Variants in DIP2C observed in about 807,000 individuals in gnomAD.
DIP2C encodes DIP2 acetate--CoA ligase C (putative), also known as disco-interacting protein 2 homolog C.
DIP2C carries 33 observed loss-of-function variants against 192.4 expected under a neutral mutation model. The ratio of observed to expected loss-of-function variants is 0.17; its 90% CI spans 0.13 to 0.23. DIP2C has a LOEUF of 0.23. Among genes scored for constraint, DIP2C ranks in the 10% least tolerant of loss-of-function variants. The probability of loss-of-function intolerance (pLI) is 1.00; values close to 1 mark genes in which losing one functional copy is unlikely to be tolerated. For synonymous variants in DIP2C, 979 were observed against 864.1 expected (o/e 1.13, Z -2.33); for missense variants, 1,537 against 2,110.1 (o/e 0.73, Z 5.32).
At chr10:420,158 C>T (rs1266898268) in intron 5 of DIP2C, among the ~76,000 whole-genome samples, 7 of 152,234 alleles carry the variant, frequency 4.6e-5, no homozygotes, top group Non-Finnish European at 8.8e-5. Context: ...CTCTCTTCAC[C>T]GGACGCTGCC....
chr10:441,491 C>A (rs577577825), intron 3 of DIP2C, among the ~76,000 whole-genome samples: 1 of 152,260 alleles, frequency 6.6e-6, no homozygotes, highest in South Asian at 2.1e-4. Context: ...CCAGAATTCC[C>A]ATGTGTTGTG....
At position 422,897 on chromosome 10, in the gene DIP2C, G is replaced by C. The variant is rs1325605439; in HGVS notation, c.531C>G (p.Ser177=). 6.2e-7 allele frequency: 1 copy of C among 1,613,814 alleles called. No individual in the cohort carries two copies. Among genetic ancestry groups the C allele is most frequent in the South Asian group, 1.1e-5 (1 of 91,082 alleles). The change falls in exon 5 of 37, where the codon TCC becomes TCG. Residue 177 remains serine (S), a synonymous_variant. Transcript: ENST00000280886. The part of the protein sequence containing the change: ...AIHGSTTSTT[S]SSSTQSGGSG... ...TGCCCCCGCTCTGCGTAGAGGACGA[G>C]GAGGTGGTGGACGTGGTGGAGCCGT... is the stretch of plus-strand genomic sequence containing the variant.
At chr10:491,630 C>T (rs1317798346) in intron 1 of DIP2C, among the ~76,000 whole-genome samples, 1 of 152,170 alleles carries the variant, frequency 6.6e-6, no homozygotes, top group African/African-American at 2.4e-5. Flanking sequence ...TAGTGTGGGT[C>T]GCATTTTTCT....
At chr10:548,123 C>T (rs570974627) in intron 1 of DIP2C, among the ~76,000 whole-genome samples, 1 of 151,848 alleles carries the variant, frequency 6.6e-6, no homozygotes, top group South Asian at 2.1e-4. Flanking sequence ...GTGTGGTGGT[C>T]CCCTGTCCCC....
chr10:277,771 G>A lies in DIP2C; in HGVS notation c.4419-194C>T, dbSNP rs146787213. ...AGACTTCCTGGCGACAGCACCTGTC[G>A]GTGTTTCCTACCAGCCTTCTCTCTC... On this transcript the variant is annotated intron_variant, in intron 36 of 36. Transcript: ENST00000280886. Among the ~76,000 whole-genome samples, 7 of 152,122 alleles carry A rather than the reference G, an allele frequency of 4.6e-5. No homozygotes were observed. In the East Asian group the frequency reaches 7.7e-4, roughly 17 times the overall value.
At chr10:342,028 G>A (rs904657897) in intron 28 of DIP2C, among the ~76,000 whole-genome samples, 6 of 152,170 alleles carry the variant, frequency 3.9e-5, no homozygotes, top group African/African-American at 1.4e-4. Context: ...TATTTTCACT[G>A]GAGTTCTCAT....
chr10:405,179 A>C (rs1201223823), intron 9 of DIP2C, among the ~76,000 whole-genome samples: 1 of 152,244 alleles, frequency 6.6e-6, no homozygotes, highest in Non-Finnish European at 1.5e-5. Flanking sequence ...GACGGAGAGG[A>C]TGCGTGTCAT....
intron 17 of DIP2C, among the ~76,000 whole-genome samples, chr10:374,837 C>G (rs1208348039): frequency 6.6e-6 from 1 of 152,184 alleles, no homozygotes; most frequent in Non-Finnish European, 1.5e-5. Flanking sequence ...TAAAAAACAT[C>G]CACCTTAATA....
intron 14 of DIP2C, 49 bp from the exon 15 acceptor site, chr10:384,688 A>G: frequency 1.3e-6 from 2 of 1,587,770 alleles, no homozygotes; most frequent in Non-Finnish European, 1.7e-6. Context: ...GGGCACGCAG[A>G]GGAGCAGCTC....
chr10:355,085 G>A (rs114663493), intron 24 of DIP2C, among the ~76,000 whole-genome samples: 4,145 of 152,186 alleles, frequency 0.027, 172 homozygotes, highest in African/African-American at 0.095. Context: ...AGCAACTCCA[G>A]TCCTCAAGAT....
intron 1 of DIP2C, among the ~76,000 whole-genome samples, chr10:544,376 G>C (rs749237983): frequency 1.3e-5 from 2 of 152,192 alleles, no homozygotes; most frequent in Non-Finnish European, 2.9e-5. Context: ...TCACTGTTAC[G>C]AATAATGCTG....
intron 1 of DIP2C, among the ~76,000 whole-genome samples, chr10:671,572 C>A (rs1830643954): frequency 9.9e-6 from 1 of 100,798 alleles, no homozygotes; most frequent in Non-Finnish European, 2.0e-5. Context: ...ACGTCACAGA[C>A]GCACGGACGG....
At chr10:530,412 G>C (rs969171572) in intron 1 of DIP2C, among the ~76,000 whole-genome samples, 3 of 152,072 alleles carry the variant, frequency 2.0e-5, no homozygotes, top group African/African-American at 7.2e-5. Context: ...TGAGGCCAAA[G>C]AAAGGGAAAA....
intron 1 of DIP2C, among the ~76,000 whole-genome samples, chr10:563,085 A>G (rs994646641): frequency 3.9e-5 from 6 of 152,224 alleles, no homozygotes; most frequent in African/African-American, 1.4e-4. Flanking sequence ...CTTTGTTTAG[A>G]ATATCACAGT....
At chr10:284,391 AT>A (rs1954990106) in intron 34 of DIP2C, among the ~76,000 whole-genome samples, 2 of 152,228 alleles carry the variant, frequency 1.3e-5, no homozygotes, top group Admixed American at 6.5e-5. Context: ...GAAAATTCTC[AT>A]TAAGGCAACT....
chr10:622,719 C>A (rs369581645), intron 1 of DIP2C, among the ~76,000 whole-genome samples: 2 of 152,184 alleles, frequency 1.3e-5, no homozygotes, highest in Non-Finnish European at 2.9e-5. Flanking sequence ...ACCACAGTAA[C>A]GTCAAACTCA....
At chr10:291,564 C>G (rs139641257) in intron 32 of DIP2C, among the ~76,000 whole-genome samples, 2,215 of 152,252 alleles carry the variant, frequency 0.015, 42 homozygotes, top group Admixed American at 0.049. Flanking sequence ...GGGCTGATTC[C>G]CTCCATGTGC....
At chr10:566,514 CTT>C (rs1235925484) in intron 1 of DIP2C, among the ~76,000 whole-genome samples, 4 of 152,240 alleles carry the variant, frequency 2.6e-5, no homozygotes, top group African/African-American at 9.7e-5. Flanking sequence ...TTCAGTTAGA[CTT>C]TGACACTTAC....
chr10:286,435 ATTTCC>A (rs987872896), intron 33 of DIP2C, 88 bp from the exon 34 acceptor site: 29 of 1,219,544 alleles, frequency 2.4e-5, no homozygotes, highest in Non-Finnish European at 3.1e-5. Flanking sequence ...TCTTTATGCC[ATTTCC>A]TTTCAAGACT....
Sources: gnomAD v4.1 joint callset for allele counts (sites outside exome capture counted in the v4.1 genomes callset) on GRCh38, gnomAD v4.1.1 for gene constraint, MANE v1.5 for transcripts, NCBI Gene and HGNC (gene_info 2026-07-23, HGNC 2026-07-21) for gene names.